The following ATM variants were observed in gnomAD, a reference collection of about 807,000 sequenced individuals.
The protein encoded by ATM is serine-protein kinase ATM.
In ATM, 308 loss-of-function variants were observed where a neutral mutation model predicts 387.0. The ratio of observed to expected loss-of-function variants is 0.80; its 90% CI spans 0.73 to 0.87. The LOEUF (loss-of-function observed/expected upper bound fraction) is 0.87. Ranked by LOEUF, ATM falls within the 40% of genes least tolerant of loss-of-function variation. The pLI is 0.00. For synonymous variants in ATM, 1,156 were observed against 1,187.3 expected, an observed-to-expected ratio of 0.97 and a Z score of 0.54; for missense variants, 3,312 against 3,560.9, an observed-to-expected ratio of 0.93 and a Z score of 1.78.
rs1555067189 is a variant in ATM at position 108,244,940 on chromosome 11, A to T, written c.815A>T (p.Asn272Ile). 1 of 1,613,480 alleles carries T rather than the reference A, an allele frequency of 6.2e-7. No homozygotes were observed. The highest frequency in any genetic ancestry group is 8.5e-7 in the Non-Finnish European group (1 of 1,179,718). ...LLYIWTQHRL[N>I]DSLKEVIIEL... Reference sequence around the variant, plus strand: ...TATATTTGGACTCAACATAGGCTTAATGATTCTTTAAAAGAAGTCATTATT... The same window carrying T: ...TATATTTGGACTCAACATAGGCTTATTGATTCTTTAAAAGAAGTCATTATT... Residue 272 changes from asparagine to isoleucine, a missense_variant, in exon 7 of 63, where the codon AAT (asparagine) becomes ATT (isoleucine). This residue lies in a region of ATM where 1,791 missense variants were observed against 1,804.5 expected (regional missense o/e 0.99). Coordinates refer to ENST00000675843, the MANE Select transcript of ATM (RefSeq NM_000051.4).
At chr11:108,281,661 T>C (rs904653110) in intron 24 of ATM, among the ~76,000 whole-genome samples, 2 of 152,228 alleles carry the variant, frequency 1.3e-5, no homozygotes, top group African/African-American at 4.8e-5. Context: ...CCCCGTCTCT[T>C]TTCCATCACC....
At chr11:108,293,895 ATATATAT>A (rs377097367) in intron 31 of ATM, among the ~76,000 whole-genome samples, 18 of 92,830 alleles carry the variant, frequency 1.9e-4, no homozygotes, top group African/African-American at 5.4e-4. Flanking sequence ...AAAAAAAAAA[ATATATAT>A]ATATATATAT....
intron 18 of ATM, 67 bp from the exon 19 acceptor site, chr11:108,270,997 G>A: frequency 1.4e-6 from 2 of 1,391,900 alleles, no homozygotes; most frequent in South Asian, 2.4e-5. Flanking sequence ...CCCGGCCTAT[G>A]TTTATATACT....
At chr11:108,312,273 T>C (rs928633588) in intron 39 of ATM, 138 bp from the exon 40 acceptor site, 4 of 671,898 alleles carry the variant, frequency 6.0e-6, no homozygotes, top group Non-Finnish European at 1.1e-5. Flanking sequence ...AATGGTATTA[T>C]GTTTTAAAGT....
rs990752876 is a variant in ATM, at chr11:108,366,642, T to C, written c.*1134T>C. The C allele has an allele frequency of 4.3e-6, 1 of 231,214 alleles. No homozygotes were observed. 14.3% of individuals were successfully genotyped at this position (231,214 alleles called of 1,614,324 possible). ...GTTGCTGCACACAAGCCCATTCTTATTTTAATTTCTTGGCTTTAGGGTTTC... is the reference window on the plus strand; with the variant it reads ...GTTGCTGCACACAAGCCCATTCTTACTTTAATTTCTTGGCTTTAGGGTTTC... On this transcript the variant is annotated 3_prime_UTR_variant, in exon 63 of 63. Coordinates refer to ENST00000675843, the MANE Select transcript of ATM (RefSeq NM_000051.4).
At chr11:108,293,711 C>A (rs1341130911) in intron 31 of ATM, among the ~76,000 whole-genome samples, 1 of 151,362 alleles carries the variant, frequency 6.6e-6, no homozygotes. Flanking sequence ...CATGGCGAAA[C>A]CCCGTCTCTA....
chr11:108,321,298 T>C lies in ATM; in HGVS notation c.6453-3T>C, dbSNP rs768073845. ...CAGAGTGTCTTTTCTTTTTTGCTAC[T>C]AGAGTAAAAGAAGTGGAAGAGATGT... On this transcript the variant is annotated splice_polypyrimidine_tract_variant and splice_region_variant and intron_variant, in intron 44 of 62. Transcript: ENST00000675843. The C allele has an allele frequency of 6.2e-7, 1 of 1,614,060 alleles. No homozygotes were observed. The highest frequency in any genetic ancestry group is 2.2e-5 in the East Asian group (1 of 44,882).
chr11:108,326,178 A>C lies in ATM; in HGVS notation c.6928A>C (p.Ser2310Arg). The change falls in exon 47 of 63, where the codon AGT (serine) becomes CGT (arginine). Residue 2310 changes from serine (S) to arginine (R), a missense_variant. Ser to Arg is a moderately radical substitution (Grantham distance 110). Around this residue, in one of 4 missense-constraint regions of ATM, gnomAD observed 1,405 missense variants for 1,604.4 expected, o/e 0.88. Transcript: ENST00000675843. ...AAAAAAGGAGCAGAGTCTTGCCCTG[A>C]GTATTCTCAAGCAAATGATCAAGAA... ...WAKKEQSLAL[S>R]ILKQMIKKLD... is the part of the protein sequence containing the mutation. 1.2e-6 allele frequency: 2 copies of C among 1,614,208 alleles called. No homozygotes were observed. Among genetic ancestry groups the C allele is most frequent in the Non-Finnish European group, 1.7e-6 (2 of 1,180,032 alleles).
At chr11:108,359,881 A>C (rs147385157) in intron 61 of ATM, among the ~76,000 whole-genome samples, 7 of 152,190 alleles carry the variant, frequency 4.6e-5, no homozygotes, top group African/African-American at 1.7e-4. Context: ...ATCACAATTA[A>C]AAGAGCTAGA....
chr11:108,251,203 TC>T (rs2080131674), intron 10 of ATM, 131 bp downstream of exon 10: 21 of 1,398,426 alleles, frequency 1.5e-5, no homozygotes, highest in Non-Finnish European at 2.1e-5. Context: ...CAGATGCTTT[TC>T]TTGTTTGGCC....
chr11:108,354,205 G>A (rs937283640), intron 60 of ATM, among the ~76,000 whole-genome samples: 2 of 151,872 alleles, frequency 1.3e-5, no homozygotes, highest in Non-Finnish European at 2.9e-5. Flanking sequence ...AGCAATAATA[G>A]TTCCTCTTCC....
intron 3 of ATM, among the ~76,000 whole-genome samples, chr11:108,228,646 T>G (rs976978393): frequency 6.6e-6 from 1 of 152,216 alleles, no homozygotes; most frequent in African/African-American, 2.4e-5. Flanking sequence ...AAATGAAACA[T>G]GCATGCTGTT....
intron 20 of ATM, among the ~76,000 whole-genome samples, chr11:108,271,937 A>G (rs1390731231): frequency 2.6e-5 from 4 of 152,206 alleles, no homozygotes; most frequent in Admixed American, 2.6e-4. Context: ...CAGTGGTGCT[A>G]TATCTGCTCA....
chr11:108,359,539 G>C (rs1035472818), intron 61 of ATM, among the ~76,000 whole-genome samples: 9 of 151,952 alleles, frequency 5.9e-5, no homozygotes, highest in African/African-American at 1.2e-4. Context: ...TGACCCCATA[G>C]TTGGAAGTAA....
At chr11:108,351,598 T>G (rs2089204625) in intron 59 of ATM, among the ~76,000 whole-genome samples, 1 of 152,206 alleles carries the variant, frequency 6.6e-6, no homozygotes, top group East Asian at 1.9e-4. Flanking sequence ...TTCACTTACA[T>G]GTCTGATGCT....
rs373147078 is a variant in ATM at position 108,332,875 on chromosome 11, T to G, written c.7902T>G (p.Asp2634Glu). The change falls in exon 53 of 63, where the codon GAT becomes GAG. Residue 2634 changes from aspartate to glutamate, a missense_variant. Asp to Glu is a conservative substitution (Grantham distance 45). This residue lies in a region of ATM where 1,405 missense variants were observed against 1,604.4 expected (regional missense o/e 0.88). Coordinates refer to ENST00000675843, the MANE Select transcript of ATM (RefSeq NM_000051.4). Reference protein sequence around the residue: ...CDAYIILANLDATQWKTQRKG... With the variant: ...CDAYIILANLEATQWKTQRKG... ...CTTATATTATATTAGCAAACTTAGA[T>G]GCCACTCAGTGGAAGACTCAGAGAA... 5 of 1,612,966 alleles carry G rather than the reference T, an allele frequency of 3.1e-6. No individual in the cohort carries two copies. Among genetic ancestry groups the G allele is most frequent in the African/African-American group, 1.3e-5 (1 of 74,922 alleles).
At chr11:108,307,154 T>G (rs879757346) in intron 37 of ATM, among the ~76,000 whole-genome samples, 1 of 151,506 alleles carries the variant, frequency 6.6e-6, no homozygotes, top group Non-Finnish European at 1.5e-5. Context: ...TTTTTTTTTT[T>G]CTTTTTTTCT....
chr11:108,317,674 CTATATA>C (rs1241876600), intron 43 of ATM, among the ~76,000 whole-genome samples, 153 bp downstream of exon 43: 1 of 129,306 alleles, frequency 7.7e-6, no homozygotes, highest in Non-Finnish European at 1.6e-5. Flanking sequence ...CACACACACA[CTATATA>C]TATATACATA....
Position 108,272,518 on chromosome 11 carries a change from T to G in ATM, c.3078-14T>G. The G allele has an allele frequency of 6.3e-7, 1 of 1,599,082 alleles. No individual in the cohort carries two copies. The highest frequency in any genetic ancestry group is 8.6e-7 in the Non-Finnish European group (1 of 1,166,494). ...GAATGATTATTTAACTTTGGAAAAC[T>G]TACTTGATTTCAGGCATCTAACAAA... On this transcript the variant is annotated splice_polypyrimidine_tract_variant and intron_variant, in intron 20 of 62. Transcript: ENST00000675843.
Sources: allele counts gnomAD v4.1 joint callset (sites outside exome capture counted in the v4.1 genomes callset), GRCh38; gene constraint gnomAD v4.1.1; regional missense constraint gnomAD v4.1.1; transcripts MANE v1.5; gene names NCBI Gene and HGNC (gene_info 2026-07-23, HGNC 2026-07-21).